FAF1: variants seen among roughly 807,000 people sequenced by gnomAD.
FAF1 encodes the protein Fas associated factor 1.
FAF1 carries 25 observed loss-of-function variants against 92.5 expected under a neutral mutation model. The observed-to-expected ratio is 0.27, with a 90% confidence interval of 0.20 to 0.38. The LOEUF (loss-of-function observed/expected upper bound fraction) is 0.38. FAF1 is among the 10% of genes least tolerant of loss of function. The pLI is 1.00. For synonymous variants in FAF1, 234 were observed against 273.2 expected, an observed-to-expected ratio of 0.86 and a Z score of 1.42; for missense variants, 636 against 793.3, an observed-to-expected ratio of 0.80 and a Z score of 2.38.
chr1:50,888,284 G>C (rs12093266), intron 1 of FAF1, among the ~76,000 whole-genome samples: 2 of 152,132 alleles, frequency 1.3e-5, no homozygotes, highest in Admixed American at 6.6e-5. Context: ...GGGCTGAGAC[G>C]ATGGGGTTTT....
chr1:50,655,058 C>A (rs2124293515), intron 8 of FAF1, among the ~76,000 whole-genome samples: 1 of 151,770 alleles, frequency 6.6e-6, no homozygotes, highest in Non-Finnish European at 1.5e-5. Context: ...GCAACCTTCA[C>A]CTCCCAGGTT....
chr1:50,567,273 A>G, intron 12 of FAF1, 42 bp from the exon 13 acceptor site: 1 of 1,484,394 alleles, frequency 6.7e-7, no homozygotes. Context: ...AATATCCACT[A>G]ATGTAAGATT....
In FAF1 at chr1:50,582,645, T is replaced by C; in HGVS notation, c.1086A>G (p.Gln362=). The change falls in exon 12 of 19, where the codon CAA becomes CAG. Residue 362 remains glutamine (Q), a synonymous_variant. Transcript: ENST00000396153. ...FFIGSLEAAF[Q]EAFYVKARDR... The stretch of plus-strand genomic sequence containing the variant: ...CTCGGGCTTTCACATAGAAGGCCTC[T>C]TGAAAAGCAGCTTCTAATGAGCCAA... The C allele has an allele frequency of 1.2e-6, 2 of 1,613,084 alleles. No homozygotes were observed. Among genetic ancestry groups the C allele is most frequent in the Non-Finnish European group, 1.7e-6 (2 of 1,179,138 alleles).
chr1:50,678,044 G>C (rs1225331115), intron 7 of FAF1, among the ~76,000 whole-genome samples: 1 of 152,160 alleles, frequency 6.6e-6, no homozygotes. Context: ...ACCCTAGTCA[G>C]TCAATGAACT....
At chr1:50,453,562 T>C (rs776933728) in intron 18 of FAF1, among the ~76,000 whole-genome samples, 1 of 152,212 alleles carries the variant, frequency 6.6e-6, no homozygotes, top group Non-Finnish European at 1.5e-5. Context: ...TGAGCTATTT[T>C]GATAGTACAT....
chr1:50,838,494 C>A (rs1644230326), intron 2 of FAF1, among the ~76,000 whole-genome samples: 1 of 146,182 alleles, frequency 6.8e-6, no homozygotes, highest in Non-Finnish European at 1.5e-5. Flanking sequence ...TAAATATAAG[C>A]TATGTTTTGT....
rs1188701231 is a variant in FAF1, at chr1:50,490,673, T to C, written c.1576-8A>G. ...TCTCTCGTGAGCTTCCCTCTGTTGA[T>C]AAAACAGAAAAGGAACAAGCACTTA... is the stretch of plus-strand genomic sequence containing the variant. On this transcript the variant is annotated splice_region_variant and splice_polypyrimidine_tract_variant and intron_variant, in intron 16 of 18. Transcript: ENST00000396153. 6.3e-7 allele frequency: 1 copy of C among 1,581,828 alleles called. No homozygotes were observed. The highest frequency in any genetic ancestry group is 8.7e-7 in the Non-Finnish European group (1 of 1,150,890).
chr1:50,486,511 T>G (rs1646770960), intron 17 of FAF1, among the ~76,000 whole-genome samples: 1 of 152,194 alleles, frequency 6.6e-6, no homozygotes, highest in Non-Finnish European at 1.5e-5. Context: ...TCAAAGTCTG[T>G]GAAGTCTTTT....
intron 1 of FAF1, among the ~76,000 whole-genome samples, chr1:50,927,029 T>C (rs1416250948): frequency 6.6e-6 from 1 of 152,138 alleles, no homozygotes; most frequent in Non-Finnish European, 1.5e-5. Context: ...AAACACTAAA[T>C]AATTCCACGT....
chr1:50,664,460 C>A (rs1233816364), intron 7 of FAF1, among the ~76,000 whole-genome samples: 1 of 151,614 alleles, frequency 6.6e-6, no homozygotes, highest in Non-Finnish European at 1.5e-5. Context: ...AGAAATGTCC[C>A]TAACCACTAG....
chr1:50,509,663 T>C (rs1454123847), intron 15 of FAF1, among the ~76,000 whole-genome samples: 4 of 152,042 alleles, frequency 2.6e-5, no homozygotes, highest in Non-Finnish European at 5.9e-5. Context: ...ATGGGCTTCC[T>C]GGAGTACTAG....
chr1:50,762,242 A>G (rs1303649429), intron 4 of FAF1, among the ~76,000 whole-genome samples: 1 of 152,250 alleles, frequency 6.6e-6, no homozygotes, highest in Non-Finnish European at 1.5e-5. Context: ...AAGAATCAAT[A>G]TTGTGAAAAT....
At chr1:50,953,098 A>T (rs1645233737) in intron 1 of FAF1, among the ~76,000 whole-genome samples, 1 of 152,220 alleles carries the variant, frequency 6.6e-6, no homozygotes, top group South Asian at 2.1e-4. Flanking sequence ...CTTACCCCCA[A>T]TCCCGTGCTC....
chr1:50,751,744 T>A (rs895379703), intron 4 of FAF1, among the ~76,000 whole-genome samples: 3 of 152,244 alleles, frequency 2.0e-5, no homozygotes, highest in Non-Finnish European at 2.9e-5. Context: ...AGTTTGCAAC[T>A]ATTTTGTAAA....
chr1:50,756,030 C>G (rs1014909446), intron 4 of FAF1, among the ~76,000 whole-genome samples: 1 of 152,166 alleles, frequency 6.6e-6, no homozygotes, highest in Non-Finnish European at 1.5e-5. Flanking sequence ...GACATTTTCC[C>G]CATTGTCTTG....
intron 12 of FAF1, among the ~76,000 whole-genome samples, chr1:50,581,883 T>G (rs561753171): frequency 2.4e-4 from 36 of 152,312 alleles, no homozygotes; most frequent in African/African-American, 7.5e-4. Flanking sequence ...GCTACATAGA[T>G]AGGCAGGAGC....
chr1:50,869,241 G>C (rs748026314), intron 1 of FAF1, among the ~76,000 whole-genome samples: 8 of 152,044 alleles, frequency 5.3e-5, no homozygotes, highest in Admixed American at 1.3e-4. Context: ...TTTTTTAACT[G>C]TGGCTTTACT....
intron 1 of FAF1, among the ~76,000 whole-genome samples, chr1:50,876,537 A>G (rs1644573246): frequency 6.6e-6 from 1 of 152,192 alleles, no homozygotes; most frequent in African/African-American, 2.4e-5. Context: ...CGTCAAAGGG[A>G]TATAAAGCTA....
intron 15 of FAF1, among the ~76,000 whole-genome samples, chr1:50,530,628 TAAAG>T (rs1648102680): frequency 6.6e-6 from 1 of 152,074 alleles, no homozygotes; most frequent in African/African-American, 2.4e-5. Context: ...TAAAATAACT[TAAAG>T]AATGTAATTG....
Sources: allele counts gnomAD v4.1 joint callset (sites outside exome capture counted in the v4.1 genomes callset), GRCh38; gene constraint gnomAD v4.1.1; transcripts MANE v1.5; gene names NCBI Gene and HGNC (gene_info 2026-07-23, HGNC 2026-07-21).